Variants in MYO16 observed in about 807,000 individuals in gnomAD.
The protein encoded by MYO16 is unconventional myosin-XVI.
Under a neutral mutation model 205.3 loss-of-function variants are expected in MYO16, and 94 were observed. The observed-to-expected ratio is 0.46, with a 90% CI of 0.39 to 0.54. MYO16 has a LOEUF of 0.54. Among genes scored for constraint, MYO16 ranks in the 20% least tolerant of loss-of-function variants. The pLI is 0.00. For synonymous variants in MYO16, 988 were observed against 954.0 expected (o/e 1.04, Z -0.66); for missense variants, 2,315 against 2,387.5 (o/e 0.97, Z 0.63).
chr13:108,979,639 A>AT (rs1420209500), intron 20 of MYO16, among the ~76,000 whole-genome samples: 1 of 152,042 alleles, frequency 6.6e-6, no homozygotes, highest in Non-Finnish European at 1.5e-5. Context: ...TCGGAGACAA[A>AT]CCTGCTTTCT....
intron 32 of MYO16, among the ~76,000 whole-genome samples, chr13:109,150,454 T>G (rs1877594788): frequency 6.6e-6 from 1 of 152,142 alleles, no homozygotes; most frequent in African/African-American, 2.4e-5. Context: ...AGGTTATGAC[T>G]ATTAAATATT....
intron 20 of MYO16, among the ~76,000 whole-genome samples, chr13:108,979,099 A>G (rs1433278390): frequency 1.3e-5 from 2 of 152,152 alleles, no homozygotes; most frequent in African/African-American, 4.8e-5. Context: ...CTGCCTATGC[A>G]AATTATTTTC....
At chr13:108,638,726 A>AT (rs1308996947) in intron 1 of MYO16, among the ~76,000 whole-genome samples, 1 of 152,112 alleles carries the variant, frequency 6.6e-6, no homozygotes, top group African/African-American at 2.4e-5. Context: ...TATAAATAGA[A>AT]TTTTTTTCTA....
At chr13:108,780,350 C>A (rs527273598) in intron 4 of MYO16, among the ~76,000 whole-genome samples, 7 of 85,052 alleles carry the variant, frequency 8.2e-5, no homozygotes, top group African/African-American at 3.2e-4. Flanking sequence ...AAATTACTGA[C>A]GTCTGATTTA....
rs1235795482 is a variant in MYO16 at position 108,870,317 on chromosome 13, T to A, written c.1425+4075T>A. ...ATTAAATAATATTTTGCTGAGGGCA[T>A]CTATGTTCATGAAAAAGATAAGCCT... On this transcript the variant is annotated intron_variant, in intron 12 of 34. Transcript: ENST00000457511. Among the ~76,000 whole-genome samples the A allele has an allele frequency of 2.6e-5, 4 of 152,192 alleles. No individual in the cohort carries two copies. The East Asian group carries it at 7.7e-4, about 29-fold the overall frequency.
upstream of MYO16, among the ~76,000 whole-genome samples, chr13:108,626,869 CATGTATATATGTATATTTT>C (rs1292141337): frequency 2.1e-4 from 30 of 144,548 alleles, no homozygotes; most frequent in Non-Finnish European, 3.6e-4. Context: ...GTATATTATA[CATGTATATATGTATATTTT>C]ATGTATATAT....
chr13:108,801,549 A>G (rs1886969421), intron 6 of MYO16, among the ~76,000 whole-genome samples: 2 of 152,276 alleles, frequency 1.3e-5, no homozygotes, highest in South Asian at 2.1e-4. Context: ...ATTAGGAATT[A>G]GCCCAGTCAA....
At chr13:108,524,412 C>T in the MYO16 span, among the ~76,000 whole-genome samples, 1 of 152,176 alleles carries the variant, frequency 6.6e-6, no homozygotes, top group Non-Finnish European at 1.5e-5. Context: ...ACCTGCTTCC[C>T]CTTCACCTTG....
At chr13:109,036,062 A>G (rs982060165) in intron 23 of MYO16, among the ~76,000 whole-genome samples, 3 of 152,220 alleles carry the variant, frequency 2.0e-5, no homozygotes, top group Non-Finnish European at 2.9e-5. Flanking sequence ...GTTTTGCATT[A>G]TTCTCTCACT....
At chr13:109,155,709 C>T (rs1344310520) in intron 32 of MYO16, among the ~76,000 whole-genome samples, 2 of 152,166 alleles carry the variant, frequency 1.3e-5, no homozygotes, top group African/African-American at 4.8e-5. Context: ...AAATCTGTTG[C>T]ACGTTTTCAA....
At chr13:108,857,749 C>G (rs1878256703) in intron 11 of MYO16, among the ~76,000 whole-genome samples, 2 of 152,164 alleles carry the variant, frequency 1.3e-5, no homozygotes, top group South Asian at 2.1e-4. Context: ...TCTGCTGTTT[C>G]CCTCTTAAAC....
At chr13:108,581,132 T>A in the MYO16 span, among the ~76,000 whole-genome samples, 1 of 99,076 alleles carries the variant, frequency 1.0e-5, no homozygotes, top group Non-Finnish European at 2.5e-5. Context: ...ATATAAACAT[T>A]TTAGGATATT....
intron 15 of MYO16, among the ~76,000 whole-genome samples, chr13:108,908,672 G>A (rs72654009): frequency 0.081 from 12,349 of 152,022 alleles, 906 homozygotes; most frequent in East Asian, 0.42. Context: ...ATTCACATTT[G>A]CATTTAAAAT....
chr13:108,934,729 C>T (rs1411953753), intron 16 of MYO16, among the ~76,000 whole-genome samples: 4 of 152,072 alleles, frequency 2.6e-5, no homozygotes, highest in African/African-American at 9.6e-5. Context: ...CTTATTGCTG[C>T]AGGTATTACA....
the MYO16 span, among the ~76,000 whole-genome samples, chr13:108,521,457 AT>A: frequency 6.6e-6 from 1 of 152,368 alleles, no homozygotes; most frequent in East Asian, 1.9e-4. Flanking sequence ...ACTTATTTTA[AT>A]TATCTACAAA....
At position 109,162,702 on chromosome 13, in the gene MYO16, G is replaced by C. The variant is rs1266223843; in HGVS notation, c.5165-2199G>C. On this transcript the variant is annotated intron_variant, in intron 32 of 34. Transcript: ENST00000457511. The surrounding 1 kb of genome is among the most constrained non-coding windows in gnomAD (Gnocchi z 4.6). ...ATTATGTATCTCCCGCACTCAGTGAGTATCTGGCACATAGTAGGCACCCAA... is the reference window on the plus strand; with the variant it reads ...ATTATGTATCTCCCGCACTCAGTGACTATCTGGCACATAGTAGGCACCCAA... Among the ~76,000 whole-genome samples the C allele has an allele frequency of 6.6e-6, 1 of 152,146 alleles. No homozygotes were observed. The highest frequency in any genetic ancestry group is 1.5e-5 in the Non-Finnish European group (1 of 68,028).
chr13:109,084,903 G>A (rs930143810), intron 27 of MYO16, among the ~76,000 whole-genome samples: 6 of 152,134 alleles, frequency 3.9e-5, no homozygotes, highest in African/African-American at 1.4e-4. Flanking sequence ...AGTAGAAGGA[G>A]CCCAGAAAGG....
chr13:108,640,670 T>A (rs1289602124), intron 1 of MYO16, among the ~76,000 whole-genome samples: 1 of 148,638 alleles, frequency 6.7e-6, no homozygotes, highest in Non-Finnish European at 1.5e-5. Context: ...CCTCAACAAT[T>A]TGTCCTGTAT....
chr13:108,971,960 G>A (rs1884029789), intron 20 of MYO16, among the ~76,000 whole-genome samples: 1 of 151,596 alleles, frequency 6.6e-6, no homozygotes, highest in Non-Finnish European at 1.5e-5. Flanking sequence ...CAGCATTTTG[G>A]AAGGCTGAGG....
Sources: allele counts gnomAD v4.1 joint callset (sites outside exome capture counted in the v4.1 genomes callset), GRCh38; gene constraint gnomAD v4.1.1; non-coding constraint Gnocchi (gnomAD v3.1); transcripts MANE v1.5; gene names NCBI Gene and HGNC (gene_info 2026-07-23, HGNC 2026-07-21).